SLC24A4: variants seen among roughly 807,000 people sequenced by gnomAD.
SLC24A4 encodes the protein sodium/potassium/calcium exchanger 4.
A neutral mutation model predicts 79.0 loss-of-function variants in SLC24A4; 53 were observed. The ratio of observed to expected loss-of-function variants is 0.67; its 90% CI spans 0.54 to 0.84. SLC24A4 has a LOEUF of 0.84. SLC24A4 is among the 40% of genes least tolerant of loss of function. The pLI is 0.00. For synonymous variants in SLC24A4, 323 were observed against 323.8 expected (o/e 1.00, Z 0.03); for missense variants, 731 against 822.0 (o/e 0.89, Z 1.35).
At chr14:92,389,827 C>T (rs968287754) in intron 2 of SLC24A4, among the ~76,000 whole-genome samples, 11 of 152,196 alleles carry the variant, frequency 7.2e-5, no homozygotes. Flanking sequence ...GTCTCATTTC[C>T]TGTGTCTTCT....
intron 2 of SLC24A4, among the ~76,000 whole-genome samples, chr14:92,335,605 C>T (rs1885742616): frequency 6.6e-6 from 1 of 152,112 alleles, no homozygotes; most frequent in South Asian, 2.1e-4. Flanking sequence ...TCAGGTGATC[C>T]ACCTGCCTTG....
intron 14 of SLC24A4, among the ~76,000 whole-genome samples, chr14:92,487,473 G>C (rs1309760483): frequency 6.6e-6 from 1 of 152,168 alleles, no homozygotes; most frequent in Non-Finnish European, 1.5e-5. Context: ...AAAGAGAGAG[G>C]TTGGCTTTGG....
At chr14:92,428,874 C>T (rs1458361786) in intron 2 of SLC24A4, among the ~76,000 whole-genome samples, 2 of 152,174 alleles carry the variant, frequency 1.3e-5, no homozygotes, top group South Asian at 2.1e-4. Context: ...GATCACCCGA[C>T]AATATGGACG....
At chr14:92,358,940 C>T (rs1335588621) in intron 2 of SLC24A4, among the ~76,000 whole-genome samples, 2 of 152,016 alleles carry the variant, frequency 1.3e-5, no homozygotes, top group Admixed American at 6.5e-5. Flanking sequence ...CTCACCTCGG[C>T]CTCCCAAAGT....
intron 2 of SLC24A4, among the ~76,000 whole-genome samples, chr14:92,415,770 T>TA (rs1890948283): frequency 7.6e-6 from 1 of 130,860 alleles, no homozygotes; most frequent in Non-Finnish European, 1.8e-5. Flanking sequence ...TATGTTTTTA[T>TA]TTTTTTTTTA....
intron 1 of SLC24A4, among the ~76,000 whole-genome samples, chr14:92,324,636 G>A (rs1413248300): frequency 6.6e-6 from 1 of 152,242 alleles, no homozygotes; most frequent in Non-Finnish European, 1.5e-5. Context: ...AACCAAAGAA[G>A]TGTGTTTAGG....
At chr14:92,414,115 G>A (rs1206557751) in intron 2 of SLC24A4, among the ~76,000 whole-genome samples, 1 of 152,134 alleles carries the variant, frequency 6.6e-6, no homozygotes. Context: ...AAAGACAGCA[G>A]CCATCATTTT....
intron 2 of SLC24A4, among the ~76,000 whole-genome samples, chr14:92,388,380 T>C (rs969291420): frequency 1.2e-4 from 18 of 152,042 alleles, no homozygotes; most frequent in Admixed American, 1.1e-3. Context: ...GACCTGGGAG[T>C]GAGGTCTGTG....
intron 2 of SLC24A4, among the ~76,000 whole-genome samples, chr14:92,428,872 G>A (rs1411979844): frequency 2.0e-5 from 3 of 152,216 alleles, no homozygotes; most frequent in Admixed American, 6.5e-5. Flanking sequence ...GGGATCACCC[G>A]ACAATATGGA....
intron 2 of SLC24A4, among the ~76,000 whole-genome samples, chr14:92,431,005 G>T (rs1287854114): frequency 2.6e-5 from 4 of 152,196 alleles, no homozygotes; most frequent in African/African-American, 9.7e-5. Flanking sequence ...GGAAGCCCAT[G>T]GGAGGAGAAG....
intron 12 of SLC24A4, among the ~76,000 whole-genome samples, chr14:92,475,115 G>C (rs1207529853): frequency 6.6e-6 from 1 of 151,802 alleles, no homozygotes; most frequent in Non-Finnish European, 1.5e-5. Context: ...CCAGTGTACT[G>C]TTGTCACCCC....
chr14:92,355,917 A>G (rs1331572009), intron 2 of SLC24A4, among the ~76,000 whole-genome samples: 1 of 152,204 alleles, frequency 6.6e-6, no homozygotes, highest in Non-Finnish European at 1.5e-5. Context: ...TACCACTGGA[A>G]GGTCTGAGGG....
chr14:92,465,842 G>T (rs1227306186), intron 12 of SLC24A4, among the ~76,000 whole-genome samples: 1 of 152,048 alleles, frequency 6.6e-6, no homozygotes, highest in African/African-American at 2.4e-5. Flanking sequence ...CCCCAGCCCA[G>T]ACAACCTACA....
chr14:92,348,946 C>A (rs1886702853), intron 2 of SLC24A4, among the ~76,000 whole-genome samples: 1 of 152,132 alleles, frequency 6.6e-6, no homozygotes. Flanking sequence ...AAGGTTTAAC[C>A]ACTGACCATG....
At chr14:92,429,219 G>T (rs943949672) in intron 2 of SLC24A4, among the ~76,000 whole-genome samples, 6 of 152,142 alleles carry the variant, frequency 3.9e-5, no homozygotes, top group African/African-American at 1.4e-4. Context: ...AGGGGTGCAG[G>T]GAGGGGTGAT....
intron 1 of SLC24A4, among the ~76,000 whole-genome samples, 169 bp from the exon 2 acceptor site, chr14:92,325,699 G>A (rs1299148104): frequency 1.3e-5 from 2 of 152,192 alleles, no homozygotes; most frequent in African/African-American, 4.8e-5. Context: ...ACAGGCCATT[G>A]TATGTAAGCA....
chr14:92,441,405 C>A lies in SLC24A4; in HGVS notation c.394-684C>A, dbSNP rs1037158391. Among the ~76,000 whole-genome samples the A allele has an allele frequency of 6.6e-6, 1 of 152,226 alleles. No individual in the cohort carries two copies. Among genetic ancestry groups the A allele is most frequent in the Non-Finnish European group, 1.5e-5 (1 of 68,040 alleles). ...CCATGAGTTCCCGTCCTGTCCCGTGCCAGCTTAACCCTGGAACCAGTACCT... is the reference window on the plus strand; with the variant it reads ...CCATGAGTTCCCGTCCTGTCCCGTGACAGCTTAACCCTGGAACCAGTACCT... On this transcript the variant is annotated intron_variant, in intron 4 of 16. Coordinates refer to ENST00000532405, the MANE Select transcript of SLC24A4 (RefSeq NM_153646.4). This position sits in a 1 kb window ranked among gnomAD's most constrained non-coding sequence, Gnocchi z 4.6.
intron 2 of SLC24A4, among the ~76,000 whole-genome samples, chr14:92,326,847 T>G (rs1885171818): frequency 6.6e-6 from 1 of 152,140 alleles, no homozygotes; most frequent in East Asian, 1.9e-4. Flanking sequence ...TCTTTTTGGA[T>G]CTCTGTTTTC....
Position 92,323,735 on chromosome 14 carries a change from C to T in SLC24A4, c.-96C>T. ...AGCTCCTCGCCTCTGAGTCGCGCAC[C>T]GCCTGCTCCAGCCCCAGCGCCGCTC... On this transcript the variant is annotated 5_prime_UTR_variant, in exon 1 of 17. Coordinates refer to ENST00000532405, the MANE Select transcript of SLC24A4 (RefSeq NM_153646.4). This position sits in a 1 kb window ranked among gnomAD's most constrained non-coding sequence, Gnocchi z 4.9. 2 of 1,436,892 alleles carry T rather than the reference C, an allele frequency of 1.4e-6. No individual in the cohort carries two copies. The highest frequency in any genetic ancestry group is 1.4e-5 in the African/African-American group (1 of 69,878). The allele number at this position is 1,436,892 out of a possible 1,614,324, so 89.0% of individuals were successfully genotyped here.
Sources: allele counts gnomAD v4.1 joint callset (sites outside exome capture counted in the v4.1 genomes callset), GRCh38; gene constraint gnomAD v4.1.1; non-coding constraint Gnocchi (gnomAD v3.1); transcripts MANE v1.5; gene names NCBI Gene and HGNC (gene_info 2026-07-23, HGNC 2026-07-21).